EVL: variants seen among roughly 807,000 people sequenced by gnomAD.
EVL encodes Enah/Vasp-like.
A neutral mutation model predicts 59.6 loss-of-function variants in EVL; 21 were observed. That is an observed-to-expected ratio of 0.35 (90% CI 0.25 to 0.51). The LOEUF is 0.51. Among genes scored for constraint, EVL ranks in the 20% least tolerant of loss-of-function variants. The probability of loss-of-function intolerance (pLI) is 0.97; values close to 1 mark genes in which losing one functional copy is unlikely to be tolerated. For missense variants in EVL, 462 were observed against 546.6 expected, an observed-to-expected ratio of 0.85 and a Z score of 1.54; for synonymous variants, 198 against 203.5, an observed-to-expected ratio of 0.97 and a Z score of 0.23.
intron 1 of EVL, among the ~76,000 whole-genome samples, chr14:99,980,339 C>A (rs114619101): frequency 2.4e-3 from 367 of 152,222 alleles, no homozygotes; most frequent in African/African-American, 8.6e-3. Flanking sequence ...CATCTGGATC[C>A]CAACATCCCG....
Position 100,122,341 on chromosome 14 carries a change from C to T in EVL, c.359-1198C>T, listed in dbSNP as rs114514193. Among the ~76,000 whole-genome samples, 880 of 152,310 alleles carry T rather than the reference C, an allele frequency of 5.8e-3. 8 individuals are homozygous for T. The highest frequency in any genetic ancestry group is 0.02 in the African/African-American group (832 of 41,558). On this transcript the variant is annotated intron_variant, in intron 3 of 13. Coordinates refer to ENST00000392920, the MANE Select transcript of EVL (RefSeq NM_016337.3). ...GTAAGACCTTGGGCAAGCCATTTAG[C>T]CTTTCTGGGCCTGGCTTCCCAGCTG...
In EVL at chr14:100,141,161, C is replaced by T. The variant is rs1480455565; in HGVS notation, c.1095-19C>T. 5 of 1,612,924 alleles carry T rather than the reference C, an allele frequency of 3.1e-6. No homozygotes were observed. The highest frequency in any genetic ancestry group is 3.4e-6 in the Non-Finnish European group (4 of 1,179,530). ...CACCTGTCTCCAGCCAGGGCACCCA[C>T]AGGCCCTTTCTCTCCCAGGATGAAG... On this transcript the variant is annotated intron_variant, in intron 11 of 13. Coordinates refer to ENST00000392920, the MANE Select transcript of EVL (RefSeq NM_016337.3).
At chr14:100,064,833 C>G (rs1346858111), upstream of EVL, among the ~76,000 whole-genome samples, 1 of 152,214 alleles carries the variant, frequency 6.6e-6, no homozygotes, top group African/African-American at 2.4e-5. Context: ...TCGCTTGAAC[C>G]CAGGAAGCTG....
chr14:100,059,820 A>G (rs1431975545), intron 1 of EVL, among the ~76,000 whole-genome samples: 1 of 152,218 alleles, frequency 6.6e-6, no homozygotes, highest in African/African-American at 2.4e-5. Flanking sequence ...GGTAGCACCA[A>G]AAGGATCTGC....
At chr14:99,990,792 T>G (rs2060870602) in intron 1 of EVL, among the ~76,000 whole-genome samples, 1 of 152,152 alleles carries the variant, frequency 6.6e-6, no homozygotes. Context: ...CTCCTGGCTA[T>G]TGTGAATAAT....
chr14:100,002,498 C>G (rs1040935562), intron 1 of EVL, among the ~76,000 whole-genome samples: 6 of 152,036 alleles, frequency 3.9e-5, no homozygotes, highest in African/African-American at 1.2e-4. Flanking sequence ...TAGGAGTTTC[C>G]TATAATTTTG....
intron 1 of EVL, among the ~76,000 whole-genome samples, chr14:100,055,342 T>C (rs2061712005): frequency 1.3e-5 from 2 of 152,192 alleles, no homozygotes; most frequent in Non-Finnish European, 2.9e-5. Flanking sequence ...TATTGTACCA[T>C]GTGTCAGTAC....
At chr14:100,046,957 G>A (rs936845052) in intron 1 of EVL, among the ~76,000 whole-genome samples, 4 of 151,124 alleles carry the variant, frequency 2.6e-5, no homozygotes, top group Admixed American at 6.6e-5. Context: ...GTTTCACCAT[G>A]TTAGCCAGGA....
At chr14:99,987,730 C>T (rs1047858046) in intron 1 of EVL, among the ~76,000 whole-genome samples, 4 of 152,076 alleles carry the variant, frequency 2.6e-5, no homozygotes, top group Non-Finnish European at 5.9e-5. Context: ...AGCAAGAAGG[C>T]TCTATGAGGA....
rs1189096285 is a variant in EVL, at chr14:100,109,148, A to G, written c.358+11490A>G. Among the ~76,000 whole-genome samples, 1 of 152,178 alleles carries G rather than the reference A, an allele frequency of 6.6e-6. No individual in the cohort carries two copies. The highest frequency in any genetic ancestry group is 1.5e-5 in the Non-Finnish European group (1 of 68,026). On this transcript the variant is annotated intron_variant, in intron 3 of 13. Transcript: ENST00000392920. This position sits in a 1 kb window ranked among gnomAD's most constrained non-coding sequence, Gnocchi z 4.3. Reference sequence around the variant, plus strand: ...CTCCCATTTTCACCACCTGCACTGCATATTCTCACCGTCTCTCCCCTGACA... The same window carrying G: ...CTCCCATTTTCACCACCTGCACTGCGTATTCTCACCGTCTCTCCCCTGACA...
chr14:100,035,896 G>T lies in EVL; in HGVS notation c.6-48791G>T, dbSNP rs146778090. 5.3e-5 allele frequency among the ~76,000 whole-genome samples: 8 copies of T among 152,250 alleles called. No homozygotes were observed. The South Asian group carries it at 1.2e-3, about 24-fold the overall frequency. On this transcript the variant is annotated intron_variant, in intron 1 of 13. Transcript: ENST00000402714. ...CACCTAGGGGGCAGCACATGACCCA[G>T]ACCTGGCCAGACCAAGACTCAATCC...
chr14:99,975,555 G>T (rs986753374), intron 1 of EVL, among the ~76,000 whole-genome samples: 3 of 152,144 alleles, frequency 2.0e-5, no homozygotes, highest in Non-Finnish European at 2.9e-5. Context: ...TCCTTGGGGG[G>T]TTAGGGGGGT....
At chr14:100,137,850 C>T (rs770146820) in intron 11 of EVL, 48 bp downstream of exon 11, 10 of 1,565,422 alleles carry the variant, frequency 6.4e-6, no homozygotes, top group Admixed American at 1.7e-5. Flanking sequence ...TTTGGGGCTC[C>T]TCTGTCCCCC....
chr14:99,976,327 C>T (rs956905351), intron 1 of EVL, among the ~76,000 whole-genome samples: 1 of 152,136 alleles, frequency 6.6e-6, no homozygotes, highest in African/African-American at 2.4e-5. Context: ...CAGGCATGAG[C>T]CATTGTGCCC....
At chr14:100,010,114 G>GA (rs1478241068) in intron 1 of EVL, among the ~76,000 whole-genome samples, 2 of 152,222 alleles carry the variant, frequency 1.3e-5, no homozygotes, top group African/African-American at 2.4e-5. Context: ...AAAGGGAAAA[G>GA]AGGGGGTTCT....
chr14:100,128,642 C>T lies in EVL; in HGVS notation c.611C>T (p.Pro204Leu), dbSNP rs1555362109. 6.4e-7 allele frequency: 1 copy of T among 1,571,542 alleles called. No homozygotes were observed. The highest frequency in any genetic ancestry group is 8.6e-7 in the Non-Finnish European group (1 of 1,158,836). ...PPPTGATPPP[P>L]PPLPAGGAQG... The stretch of plus-strand genomic sequence containing the variant: ...CCCACTGGGGCTACCCCACCTCCCC[C>T]ACCCCCACTGCCAGCCGGAGGAGCC... The change falls in exon 6 of 14, where the codon CCA becomes CTA. Residue 204 changes from proline (P) to leucine (L), a missense_variant. Transcript: ENST00000392920.
At chr14:100,037,786 T>G (rs1024645872) in intron 1 of EVL, among the ~76,000 whole-genome samples, 1 of 152,206 alleles carries the variant, frequency 6.6e-6, no homozygotes, top group Non-Finnish European at 1.5e-5. Context: ...AGAAGTAATA[T>G]TTCCGAAACA....
intron 2 of EVL, among the ~76,000 whole-genome samples, chr14:100,090,296 G>C (rs114100881): frequency 6.6e-6 from 1 of 152,100 alleles, no homozygotes; most frequent in South Asian, 2.1e-4. Context: ...TAAAAACATA[G>C]AATATCGTTA....
intron 1 of EVL, among the ~76,000 whole-genome samples, chr14:100,007,501 C>A (rs1466912724): frequency 4.6e-5 from 7 of 152,176 alleles, no homozygotes; most frequent in Admixed American, 4.6e-4. Context: ...AAAAAAAGAT[C>A]TGTGCTGCTC....
Sources: gnomAD v4.1 joint callset for allele counts (sites outside exome capture counted in the v4.1 genomes callset) on GRCh38, gnomAD v4.1.1 for gene constraint, Gnocchi (gnomAD v3.1) non-coding constraint, MANE v1.5 for transcripts, NCBI Gene and HGNC (gene_info 2026-07-23, HGNC 2026-07-21) for gene names.